Variants in CSNK2A1 observed in about 807,000 individuals in gnomAD.
CSNK2A1 encodes the protein casein kinase II subunit alpha.
CSNK2A1 carries 10 observed loss-of-function variants against 62.9 expected under a neutral mutation model. That is an observed-to-expected ratio of 0.16 (90% CI 0.10 to 0.27). The LOEUF is 0.27. CSNK2A1 is among the 10% of genes least tolerant of loss of function. The probability of loss-of-function intolerance (pLI) is 1.00; values close to 1 mark genes in which losing one functional copy is unlikely to be tolerated. For synonymous variants in CSNK2A1, 124 were observed against 167.8 expected (o/e 0.74, Z 2.02); for missense variants, 160 against 492.0 (o/e 0.33, Z 6.38).
chr20:531,763 A>G (rs548829107), intron 1 of CSNK2A1, among the ~76,000 whole-genome samples: 108 of 152,342 alleles, frequency 7.1e-4, no homozygotes, highest in African/African-American at 2.5e-3. Flanking sequence ...CAAGAAGACA[A>G]TGTATCCTAG....
At chr20:530,580 C>T (rs890830954) in intron 1 of CSNK2A1, among the ~76,000 whole-genome samples, 1 of 151,338 alleles carries the variant, frequency 6.6e-6, no homozygotes, top group African/African-American at 2.4e-5. Context: ...CTCAAGTGAT[C>T]CTCCTACCTC....
Position 481,811 on chromosome 20 carries a change from C to T in CSNK2A1, c.*2150G>A, listed in dbSNP as rs2017961568. On this transcript the variant is annotated 3_prime_UTR_variant, in exon 14 of 14. Coordinates refer to ENST00000217244, the MANE Select transcript of CSNK2A1 (RefSeq NM_177559.3). ...ATAAGTGTCCTGTTCAAATCACAAT[C>T]CAGTGCAAACATAATCACAAATTGC... 6.6e-6 allele frequency: 1 copy of T among 152,212 alleles called. No homozygotes were observed. The highest frequency in any genetic ancestry group is 1.5e-5 in the Non-Finnish European group (1 of 68,032). 9.4% of individuals were successfully genotyped at this position (152,212 alleles called of 1,614,324 possible).
At position 480,700 on chromosome 20, in the gene CSNK2A1, GCT is replaced by G. The variant is rs2017940954; in HGVS notation, c.*3259_*3260del. On this transcript the variant is annotated 3_prime_UTR_variant, in exon 14 of 14. Coordinates refer to ENST00000217244, the MANE Select transcript of CSNK2A1 (RefSeq NM_177559.3). The stretch of plus-strand genomic sequence containing the variant: ...CTAGGAAAAGGCCCTGGGAAGACAG[GCT>G]CTCTACTATGCAAACCCAATTCCAG... The G allele has an allele frequency of 6.6e-6, 1 of 152,206 alleles. No individual in the cohort carries two copies. The highest frequency in any genetic ancestry group is 2.4e-5 in the African/African-American group (1 of 41,438). 9.4% of individuals were successfully genotyped at this position (152,206 alleles called of 1,614,324 possible). A position where few individuals can be genotyped will look rare whatever the true frequency, so the allele number is the denominator to read the frequency against.
intron 1 of CSNK2A1, among the ~76,000 whole-genome samples, chr20:530,666 G>A (rs995762875): frequency 2.0e-5 from 3 of 151,868 alleles, no homozygotes; most frequent in African/African-American, 7.3e-5. Context: ...GTAGAGACAG[G>A]GTTTCGCCAT....
intron 4 of CSNK2A1, chr20:504,530 C>G (rs951764865): frequency 2.6e-5 from 4 of 152,194 alleles, no homozygotes; most frequent in Non-Finnish European, 4.4e-5. Context: ...AATTCATATA[C>G]AAATATAAAT....
rs2017973352 is a variant in CSNK2A1, at chr20:482,473, A to AT, written c.*1487dup. 6.6e-6 allele frequency: 1 copy of AT among 152,226 alleles called. No homozygotes were observed. Among genetic ancestry groups the AT allele is most frequent in the African/African-American group, 2.4e-5 (1 of 41,428 alleles). 9.4% of individuals were successfully genotyped at this position (152,226 alleles called of 1,614,324 possible). On this transcript the variant is annotated 3_prime_UTR_variant, in exon 14 of 14. Transcript: ENST00000217244. ...AATCCCTGCACTGCTGAGACACAAA[A>AT]TGAGTTTTATGGCAAAGGATCCTTA...
chr20:485,494 G>T (rs934656487), intron 13 of CSNK2A1, among the ~76,000 whole-genome samples: 1 of 152,014 alleles, frequency 6.6e-6, no homozygotes, highest in African/African-American at 2.4e-5. Flanking sequence ...TGCATCTTGC[G>T]TTTTAAATTT....
chr20:491,445 TG>T (rs994794891), intron 9 of CSNK2A1, among the ~76,000 whole-genome samples: 48 of 152,108 alleles, frequency 3.2e-4, no homozygotes, highest in Admixed American at 2.9e-3. Flanking sequence ...GGTGTGAGGA[TG>T]GGTTGTGCCC....
chr20:493,051 G>C (rs976175081), intron 8 of CSNK2A1, among the ~76,000 whole-genome samples: 3 of 152,126 alleles, frequency 2.0e-5, no homozygotes, highest in East Asian at 1.9e-4. Context: ...ACATCGGACT[G>C]CTCTGGCACT....
intron 13 of CSNK2A1, among the ~76,000 whole-genome samples, chr20:484,936 G>A (rs1184348313): frequency 2.7e-5 from 4 of 148,858 alleles, no homozygotes; most frequent in East Asian, 2.0e-4. Context: ...GCGTCATGGC[G>A]GGCGCCTGTA....
rs1491178831 is a variant in CSNK2A1, at chr20:499,975, AAT to A, written c.214-43_214-42del. ...TACATCAGCAAAAAAAAAAAAAAAAAATTTTTTCAGAGTATTTCAACACGTAG... is the reference window on the plus strand; with the variant it reads ...TACATCAGCAAAAAAAAAAAAAAAAATTTTTCAGAGTATTTCAACACGTAG... On this transcript the variant is annotated intron_variant, in intron 4 of 13. Transcript: ENST00000217244. The surrounding 1 kb of genome is among the most constrained non-coding windows in gnomAD (Gnocchi z 4.2). 0.012 allele frequency: 16,606 copies of A among 1,385,106 alleles called. 85 individuals are homozygous for A. Among genetic ancestry groups the A allele is most frequent in the African/African-American group, 0.056 (3,455 of 61,920 alleles). The allele number at this position is 1,385,106 out of a possible 1,614,324, so 85.8% of individuals were successfully genotyped here.
Position 478,793 on chromosome 20 carries a change from G to A in CSNK2A1, c.*5168C>T. 1 of 304,132 alleles carries A rather than the reference G, an allele frequency of 3.3e-6. No individual in the cohort carries two copies. The highest frequency in any genetic ancestry group is 4.8e-5 in the Admixed American group (1 of 20,990). The allele number at this position is 304,132 out of a possible 1,614,324, so 18.8% of individuals were successfully genotyped here. A position where few individuals can be genotyped will look rare whatever the true frequency, so the allele number is the denominator to read the frequency against. On this transcript the variant is annotated 3_prime_UTR_variant, in exon 14 of 14. Transcript: ENST00000217244. ...AAAAAAAAAAAAAAAAATTAGCCAA[G>A]CATGATGGCTCGTGCCTGTAGTCCC... is the stretch of plus-strand genomic sequence containing the variant.
At chr20:541,963 T>C (rs185002473) in intron 1 of CSNK2A1, among the ~76,000 whole-genome samples, 4 of 152,320 alleles carry the variant, frequency 2.6e-5, no homozygotes, top group Admixed American at 2.0e-4. Context: ...GGAGGAGAAC[T>C]AGTATTGGTA....
chr20:509,866 C>T (rs575191958), intron 2 of CSNK2A1, among the ~76,000 whole-genome samples: 6 of 152,254 alleles, frequency 3.9e-5, no homozygotes, highest in East Asian at 1.9e-4. Context: ...TGTGAGCCAC[C>T]GCACCCAGCC....
chr20:474,520 A>G lies in CSNK2A1; in HGVS notation c.*9441T>C, dbSNP rs2017810009. 1 of 152,234 alleles carries G rather than the reference A, an allele frequency of 6.6e-6. No homozygotes were observed. Among genetic ancestry groups the G allele is most frequent in the Non-Finnish European group, 1.5e-5 (1 of 68,040 alleles). 9.4% of individuals were successfully genotyped at this position (152,234 alleles called of 1,614,324 possible). On this transcript the variant is annotated 3_prime_UTR_variant, in exon 14 of 14. Transcript: ENST00000217244. Reference sequence around the variant, plus strand: ...GTGGATGCATTCAAGATAAATATCCATTTATTAAAAGTAGTTGCTTTTTCA... The same window carrying G: ...GTGGATGCATTCAAGATAAATATCCGTTTATTAAAAGTAGTTGCTTTTTCA...
intron 4 of CSNK2A1, chr20:502,990 C>CTGAACTGTA (rs1211272257): frequency 2.0e-5 from 3 of 152,264 alleles, no homozygotes; most frequent in African/African-American, 7.2e-5. Flanking sequence ...CTACCCTCTT[C>CTGAACTGTA]TGAACTGTAG....
chr20:499,810 T>C lies in CSNK2A1; in HGVS notation c.315+23A>G. 6.2e-7 allele frequency: 1 copy of C among 1,611,308 alleles called. No homozygotes were observed. On this transcript the variant is annotated intron_variant, in intron 5 of 13. Transcript: ENST00000217244. The surrounding 1 kb of genome is among the most constrained non-coding windows in gnomAD (Gnocchi z 4.2). Reference sequence around the variant, plus strand: ...AACACCATCTCAGCTCTGGCGGGCCTTGCTAACACCTACTATACTCACCAC... The same window carrying C: ...AACACCATCTCAGCTCTGGCGGGCCCTGCTAACACCTACTATACTCACCAC...
chr20:542,810 A>C (rs2019481356), intron 1 of CSNK2A1, among the ~76,000 whole-genome samples: 1 of 152,164 alleles, frequency 6.6e-6, no homozygotes, highest in Non-Finnish European at 1.5e-5. Context: ...AGTCTTCCCA[A>C]ATAATTTGCC....
intron 4 of CSNK2A1, chr20:503,499 A>C (rs949672936): frequency 7.5e-5 from 30 of 398,560 alleles, no homozygotes; most frequent in Admixed American, 2.2e-4. Context: ...ACTGTGGAAC[A>C]CTTTACATTT....
Sources: allele counts gnomAD v4.1 joint callset (sites outside exome capture counted in the v4.1 genomes callset), GRCh38; gene constraint gnomAD v4.1.1; non-coding constraint Gnocchi (gnomAD v3.1); transcripts MANE v1.5; gene names NCBI Gene and HGNC (gene_info 2026-07-23, HGNC 2026-07-21).